The following IL1RAPL1 variants were observed in gnomAD, a reference collection of about 807,000 sequenced individuals.
The protein encoded by IL1RAPL1 is interleukin-1 receptor accessory protein-like 1.
Under a neutral mutation model 48.4 loss-of-function variants are expected in IL1RAPL1, and 3 were observed. The observed-to-expected ratio is 0.06, with a 90% confidence interval of 0.03 to 0.16. IL1RAPL1 has a LOEUF of 0.16. Among genes scored for constraint, IL1RAPL1 ranks in the 10% least tolerant of loss-of-function variants. IL1RAPL1 has a pLI of 1.00. For missense variants in IL1RAPL1, 349 were observed against 530.6 expected (o/e 0.66, Z 3.36); for synonymous variants, 185 against 187.7 (o/e 0.99, Z 0.12).
intron 2 of IL1RAPL1, among the ~76,000 whole-genome samples, chrX:29,280,043 TAGTC>T (rs1222316455): frequency 2.7e-5 from 3 of 112,228 alleles, no homozygotes; most frequent in African/African-American, 6.5e-5. Flanking sequence ...CCATGACAGA[TAGTC>T]AGTTATATTA....
chrX:29,246,040 T>C (rs1931505606), intron 2 of IL1RAPL1, among the ~76,000 whole-genome samples: 1 of 110,829 alleles, frequency 9.0e-6, no homozygotes, highest in African/African-American at 3.3e-5. Flanking sequence ...TTCTTTTCTC[T>C]TGATGATTCT....
intron 5 of IL1RAPL1, among the ~76,000 whole-genome samples, chrX:29,532,403 C>T (rs1024383977): frequency 2.7e-5 from 3 of 112,106 alleles, no homozygotes; most frequent in Admixed American, 1.9e-4. Flanking sequence ...CTGATTCTTA[C>T]TCTCATTAGG....
At chrX:28,954,778 A>G (rs1924559799) in intron 2 of IL1RAPL1, among the ~76,000 whole-genome samples, 1 of 111,635 alleles carries the variant, frequency 9.0e-6, no homozygotes, top group African/African-American at 3.2e-5. Context: ...CGTGAACCTA[A>G]GAGGCCTAAA....
chrX:29,455,809 T>C (rs1344272788), intron 5 of IL1RAPL1, among the ~76,000 whole-genome samples: 1 of 111,867 alleles, frequency 8.9e-6, no homozygotes, highest in Non-Finnish European at 1.9e-5. Flanking sequence ...TAATTTTCCA[T>C]TTAAAAGTAG....
At chrX:29,463,298 T>G (rs1434040210) in intron 5 of IL1RAPL1, among the ~76,000 whole-genome samples, 1 of 111,281 alleles carries the variant, frequency 9.0e-6, no homozygotes, top group Non-Finnish European at 1.9e-5. Flanking sequence ...AAGATAAACT[T>G]TCATGTGAAT....
chrX:28,704,775 G>A (rs1337070547), intron 1 of IL1RAPL1, among the ~76,000 whole-genome samples: 1 of 89,000 alleles, frequency 1.1e-5, no homozygotes, highest in Admixed American at 1.4e-4. Flanking sequence ...CTCTGGCAGC[G>A]GCAAGTTGGC....
intron 3 of IL1RAPL1, among the ~76,000 whole-genome samples, chrX:29,312,658 C>T (rs1209600891): frequency 9.0e-6 from 1 of 111,431 alleles, no homozygotes; most frequent in Admixed American, 9.5e-5. Context: ...ACCACTTTTT[C>T]CTGTTCTAAC....
chrX:29,885,679 T>C lies in IL1RAPL1; in HGVS notation c.779-31785T>C, dbSNP rs774530601. On this transcript the variant is annotated intron_variant, in intron 6 of 10. Transcript: ENST00000378993. ...TGAAAAAATAAAAAAATCAGCTGAG[T>C]GTGGTGGCATGCACCCGTAGTCCGA... 7.2e-5 allele frequency among the ~76,000 whole-genome samples: 8 copies of C among 110,546 alleles called. No individual in the cohort carries two copies. The East Asian group carries it at 2.3e-3, about 32-fold the overall frequency.
chrX:29,323,264 C>T (rs1455424761), intron 3 of IL1RAPL1, among the ~76,000 whole-genome samples: 2 of 111,415 alleles, frequency 1.8e-5, no homozygotes, highest in Middle Eastern at 4.3e-3. Flanking sequence ...ATCTCCATGG[C>T]TTAATTTCCC....
At chrX:29,111,671 T>G (rs1423279760) in intron 2 of IL1RAPL1, among the ~76,000 whole-genome samples, 2 of 111,600 alleles carry the variant, frequency 1.8e-5, no homozygotes, top group Non-Finnish European at 3.8e-5. Context: ...GATGCCATAT[T>G]ATTTTCCAAA....
At chrX:29,611,898 C>T (rs987487098) in intron 5 of IL1RAPL1, among the ~76,000 whole-genome samples, 1 of 111,013 alleles carries the variant, frequency 9.0e-6, no homozygotes, top group African/African-American at 3.3e-5. Flanking sequence ...CCTCTTGGAC[C>T]GTCCCCGGCC....
intron 3 of IL1RAPL1, among the ~76,000 whole-genome samples, chrX:29,290,009 CTT>C (rs1396754394): frequency 1.8e-5 from 2 of 111,240 alleles, no homozygotes; most frequent in African/African-American, 6.5e-5. Flanking sequence ...CTATGTAACT[CTT>C]TTTTCTCATT....
At chrX:28,590,914 T>C (rs1933902100) in intron 1 of IL1RAPL1, among the ~76,000 whole-genome samples, 1 of 112,132 alleles carries the variant, frequency 8.9e-6, no homozygotes, top group South Asian at 3.7e-4. Flanking sequence ...TATACTTCTA[T>C]TAGGAAAGAT....
intron 1 of IL1RAPL1, among the ~76,000 whole-genome samples, chrX:28,757,596 C>T (rs965594205): frequency 1.8e-5 from 2 of 111,462 alleles, no homozygotes; most frequent in Non-Finnish European, 3.8e-5. Context: ...AGGTGGTGCA[C>T]CGCAGCAGGA....
chrX:29,752,076 GTA>G (rs200322927), intron 6 of IL1RAPL1, among the ~76,000 whole-genome samples: 9,284 of 89,227 alleles, frequency 0.1, 771 homozygotes, highest in African/African-American at 0.29. Context: ...ATATATGTGT[GTA>G]TGTATATATA....
intron 1 of IL1RAPL1, among the ~76,000 whole-genome samples, chrX:28,689,178 A>G (rs771027212): frequency 7.2e-5 from 8 of 110,775 alleles, no homozygotes; most frequent in African/African-American, 2.0e-4. Flanking sequence ...TGCTGCCCCC[A>G]TGTTATGGTT....
Position 28,737,166 on chromosome X carries a change from C to T in IL1RAPL1, c.-24-52154C>T, listed in dbSNP as rs1569161814. 5.3e-3 allele frequency among the ~76,000 whole-genome samples: 184 copies of T among 34,635 alleles called. 2 individuals are homozygous for T. The highest frequency in any genetic ancestry group is 0.019 in the African/African-American group (179 of 9,375). 30.1% of individuals were successfully genotyped at this position (34,635 alleles called of 115,157 possible). ...CCTTCCTTCCTTCCTTCCTTCCTTC[C>T]TTCCTTCCTTCCTTTCTTTCCTTTC... is the stretch of plus-strand genomic sequence containing the variant. On this transcript the variant is annotated intron_variant, in intron 1 of 10. Coordinates refer to ENST00000378993, the MANE Select transcript of IL1RAPL1 (RefSeq NM_014271.4).
intron 2 of IL1RAPL1, among the ~76,000 whole-genome samples, chrX:28,822,550 A>G (rs1183280416): frequency 8.9e-6 from 1 of 111,875 alleles, no homozygotes; most frequent in African/African-American, 3.2e-5. Flanking sequence ...TGTCATCCTT[A>G]AATTGTTCTT....
At chrX:28,768,749 CTCTCTCTATATATA>C (rs1429210493) in intron 1 of IL1RAPL1, among the ~76,000 whole-genome samples, 8 of 69,821 alleles carry the variant, frequency 1.1e-4, no homozygotes, top group African/African-American at 4.7e-4. Context: ...CTCTCTCTCT[CTCTCTCTATATATA>C]TATATATATA....
Sources: allele counts gnomAD v4.1 joint callset (sites outside exome capture counted in the v4.1 genomes callset), GRCh38; gene constraint gnomAD v4.1.1; transcripts MANE v1.5; gene names NCBI Gene and HGNC (gene_info 2026-07-23, HGNC 2026-07-21).